The following SLC7A9 variants were observed in gnomAD, a reference collection of about 807,000 sequenced individuals.
The protein encoded by SLC7A9 is B(0,+)-type amino acid transporter 1.
A neutral mutation model predicts 54.1 loss-of-function variants in SLC7A9; 38 were observed. The observed-to-expected ratio is 0.70, with a 90% confidence interval of 0.54 to 0.92. SLC7A9 has a LOEUF of 0.92. Among genes scored for constraint, SLC7A9 ranks in the 40% least tolerant of loss-of-function variants. The probability of loss-of-function intolerance (pLI) is 0.00; values close to 1 mark genes in which losing one functional copy is unlikely to be tolerated. For synonymous variants in SLC7A9, 264 were observed against 258.9 expected (o/e 1.02, Z -0.19); for missense variants, 537 against 636.1 (o/e 0.84, Z 1.68).
At position 32,830,518 on chromosome 19, in the gene SLC7A9, C is replaced by T. The variant is rs1967746022; in HGVS notation, c.*102G>A. The T allele has an allele frequency of 4.5e-6, 4 of 890,390 alleles. No individual in the cohort carries two copies. Among genetic ancestry groups the T allele is most frequent in the Admixed American group, 1.8e-5 (1 of 56,542 alleles). The allele number at this position is 890,390 out of a possible 1,614,324, so 55.2% of individuals were successfully genotyped here. ...TATCTAAAAATAACAATATTTTAAA[C>T]ATCTGAGTATATTTTATTCGTAAGA... is the stretch of plus-strand genomic sequence containing the variant. On this transcript the variant is annotated 3_prime_UTR_variant, in exon 13 of 13. Transcript: ENST00000023064.
chr19:32,868,047 A>G (rs1395473089), intron 2 of SLC7A9, among the ~76,000 whole-genome samples: 1 of 151,838 alleles, frequency 6.6e-6, no homozygotes, highest in Non-Finnish European at 1.5e-5. Context: ...CCTGGCCAAC[A>G]TGGTGAAACC....
At position 32,859,961 on chromosome 19, in the gene SLC7A9, G is replaced by A. The variant is rs763565113; in HGVS notation, c.753C>T (p.Asn251=). 15 of 1,614,040 alleles carry A rather than the reference G, an allele frequency of 9.3e-6. No homozygotes were observed. The highest frequency in any genetic ancestry group is 1.3e-5 in the African/African-American group (1 of 74,914). ...ITEELRNPYR[N]LPLAIIIGIP... ...TCCCGATGATAATGGCCAAAGGCAG[G>A]TTTCTGGGAGGGGCAATGACACGGA... Residue 251 remains asparagine, a synonymous_variant, in exon 8 of 13, where the codon AAC becomes AAT. Transcript: ENST00000023064.
chr19:32,848,578 A>G (rs376006097), intron 9 of SLC7A9, among the ~76,000 whole-genome samples: 2 of 152,182 alleles, frequency 1.3e-5, no homozygotes, highest in East Asian at 3.8e-4. Context: ...CCCACACAAT[A>G]ATAATGGGAG....
Position 32,858,569 on chromosome 19 carries a change from T to C in SLC7A9, c.874-26A>G, listed in dbSNP as rs199796488. On this transcript the variant is annotated intron_variant, in intron 8 of 12. Transcript: ENST00000023064. Reference sequence around the variant, plus strand: ...CTGGTGAGAGAAGCGAGATGAGTCCTGAGGGTCTTTCTTGGCCTCCAAGAG... The same window carrying C: ...CTGGTGAGAGAAGCGAGATGAGTCCCGAGGGTCTTTCTTGGCCTCCAAGAG... 315 of 1,576,124 alleles carry C rather than the reference T, an allele frequency of 2.0e-4. No homozygotes were observed. The African/African-American group carries it at 3.7e-3, about 19-fold the overall frequency.
chr19:32,842,428 G>C (rs774091379), intron 10 of SLC7A9, 111 bp from the exon 11 acceptor site: 4 of 1,013,328 alleles, frequency 3.9e-6, no homozygotes, highest in Non-Finnish European at 6.1e-6. Context: ...AGCATGAAAC[G>C]AACTTCTAGG....
At chr19:32,852,905 CTT>C (rs56119122) in intron 9 of SLC7A9, among the ~76,000 whole-genome samples, 1,593 of 97,598 alleles carry the variant, frequency 0.016, 25 homozygotes, top group African/African-American at 0.056. Flanking sequence ...AAGCTATAAA[CTT>C]TTTTTTTTTT....
chr19:32,867,965 C>T (rs1969023989), intron 2 of SLC7A9, among the ~76,000 whole-genome samples: 2 of 145,706 alleles, frequency 1.4e-5, no homozygotes, highest in South Asian at 4.4e-4. Flanking sequence ...AATATGCAGC[C>T]GAGTGCAGTG....
intron 10 of SLC7A9, 63 bp from the exon 11 acceptor site, chr19:32,842,380 A>C: frequency 6.7e-7 from 1 of 1,499,906 alleles, no homozygotes; most frequent in South Asian, 1.1e-5. Flanking sequence ...ATGTCACAGA[A>C]GACCGAAGAA....
At chr19:32,867,443 G>A (rs1172327160) in intron 2 of SLC7A9, among the ~76,000 whole-genome samples, 6 of 151,986 alleles carry the variant, frequency 3.9e-5, no homozygotes, top group Admixed American at 3.9e-4. Context: ...CTTGAGTCCA[G>A]GAGGTTGACG....
intron 10 of SLC7A9, among the ~76,000 whole-genome samples, chr19:32,842,808 C>T (rs1051705218): frequency 2.6e-5 from 4 of 151,876 alleles, no homozygotes; most frequent in African/African-American, 7.3e-5. Context: ...GATGGGGTTT[C>T]GCCATCTCAC....
At chr19:32,857,058 G>C (rs942174968) in intron 9 of SLC7A9, among the ~76,000 whole-genome samples, 1 of 152,074 alleles carries the variant, frequency 6.6e-6, no homozygotes, top group African/African-American at 2.4e-5. Flanking sequence ...GGCTGAGGCA[G>C]AAAATTGCTT....
At chr19:32,841,661 C>G (rs894880541) in intron 11 of SLC7A9, among the ~76,000 whole-genome samples, 2 of 152,196 alleles carry the variant, frequency 1.3e-5, no homozygotes, top group African/African-American at 4.8e-5. Flanking sequence ...AATCCCAGCA[C>G]TTTGGGAAGC....
rs2018788 is a variant in SLC7A9 at position 32,868,926 on chromosome 19, G to A, written c.-111-281C>T. Among the ~76,000 whole-genome samples, 29,339 of 151,706 alleles carry A rather than the reference G, an allele frequency of 0.19. 3,182 individuals carry two copies. The highest frequency in any genetic ancestry group is 0.51 in the East Asian group (2,616 of 5,148). Reference sequence around the variant, plus strand: ...AAAAAGAAATATTTAACAACATCCCGGGCTGGGCACAGTGGCTCAGGTCTG... The same window carrying A: ...AAAAAGAAATATTTAACAACATCCCAGGCTGGGCACAGTGGCTCAGGTCTG... On this transcript the variant is annotated intron_variant, in intron 1 of 12. Transcript: ENST00000023064.
chr19:32,847,986 TGA>T (rs1968351365), intron 9 of SLC7A9, among the ~76,000 whole-genome samples: 1 of 151,066 alleles, frequency 6.6e-6, no homozygotes, highest in Non-Finnish European at 1.5e-5. Context: ...AAGCAAATGC[TGA>T]GAGATTTTGT....
chr19:32,863,598 C>G (rs895751956), intron 4 of SLC7A9, among the ~76,000 whole-genome samples: 1 of 152,012 alleles, frequency 6.6e-6, no homozygotes, highest in African/African-American at 2.4e-5. Flanking sequence ...TGGCCTCAAG[C>G]GATCCTCCCA....
chr19:32,843,845 T>A lies in SLC7A9; in HGVS notation c.1074+10A>T. On this transcript the variant is annotated intron_variant, in intron 10 of 12. Transcript: ENST00000023064. ...CTTGAAGATAGGCTGGTAGCGGGAT[T>A]TGTACTCACATAAAAGATGATGGCG... The A allele has an allele frequency of 6.2e-7, 1 of 1,605,382 alleles. No homozygotes were observed. Among genetic ancestry groups the A allele is most frequent in the Non-Finnish European group, 8.5e-7 (1 of 1,172,078 alleles).
At chr19:32,844,002 C>G (rs1238743580) in intron 9 of SLC7A9, 51 bp from the exon 10 acceptor site, 1 of 1,379,464 alleles carries the variant, frequency 7.2e-7, no homozygotes, top group African/African-American at 1.4e-5. Flanking sequence ...GACCATCTGT[C>G]CAGGGCCACT....
intron 9 of SLC7A9, among the ~76,000 whole-genome samples, chr19:32,848,823 T>C (rs567659266): frequency 1.1e-4 from 17 of 152,276 alleles, no homozygotes; most frequent in East Asian, 5.8e-4. Flanking sequence ...ACAGAAATTA[T>C]AACAAACTGT....
chr19:32,847,580 G>A (rs369262471), intron 9 of SLC7A9, among the ~76,000 whole-genome samples: 2 of 152,156 alleles, frequency 1.3e-5, no homozygotes, highest in South Asian at 2.1e-4. Context: ...TGAAAGTAAC[G>A]GGGAGAATGG....
Sources: allele counts gnomAD v4.1 joint callset (sites outside exome capture counted in the v4.1 genomes callset), GRCh38; gene constraint gnomAD v4.1.1; transcripts MANE v1.5; gene names NCBI Gene and HGNC (gene_info 2026-07-23, HGNC 2026-07-21).